Variants in GLP2R observed in about 807,000 individuals in gnomAD.
The protein encoded by GLP2R is glucagon like peptide 2 receptor.
A neutral mutation model predicts 68.2 loss-of-function variants in GLP2R; 59 were observed. That is an observed-to-expected ratio of 0.87 (90% CI 0.70 to 1.07). GLP2R has a LOEUF of 1.07. Ranked by LOEUF, GLP2R falls within the 50% of genes least tolerant of loss-of-function variation. The pLI, the probability that GLP2R is intolerant of heterozygous loss-of-function variation, is 0.00. For missense variants in GLP2R, 548 were observed against 677.4 expected (o/e 0.81, Z 2.12); for synonymous variants, 270 against 265.4 (o/e 1.02, Z -0.17).
intron 4 of GLP2R, among the ~76,000 whole-genome samples, chr17:9,850,912 C>T (rs1343273119): frequency 6.6e-6 from 1 of 152,002 alleles, no homozygotes. Context: ...AGGTTGGTCT[C>T]GAACTCCTGA....
chr17:9,828,855 C>T (rs2066655927), intron 1 of GLP2R, among the ~76,000 whole-genome samples: 2 of 152,172 alleles, frequency 1.3e-5, no homozygotes, highest in Admixed American at 6.5e-5. Context: ...TGTCTGCTGG[C>T]AGTGTCTGCT....
At position 9,891,764 on chromosome 17, in the gene GLP2R, C is replaced by T. The variant is rs982018376; in HGVS notation, c.*2059C>T. 2.0e-5 allele frequency: 3 copies of T among 151,908 alleles called. No individual in the cohort carries two copies. The highest frequency in any genetic ancestry group is 7.2e-5 in the African/African-American group (3 of 41,424). The allele number at this position is 151,908 out of a possible 1,614,324, so 9.4% of individuals were successfully genotyped here. A position where few individuals can be genotyped will look rare whatever the true frequency, so the allele number is the denominator to read the frequency against. On this transcript the variant is annotated 3_prime_UTR_variant, in exon 13 of 13. Coordinates refer to ENST00000262441, the MANE Select transcript of GLP2R (RefSeq NM_004246.3). ...CTCAGTCATGAAAATCTATGTCTTT[C>T]TATTTTTCTCCTTTCTGCAAATGTC...
intron 4 of GLP2R, among the ~76,000 whole-genome samples, chr17:9,848,769 T>C (rs190152153): frequency 1.3e-5 from 2 of 152,204 alleles, no homozygotes; most frequent in South Asian, 2.1e-4. Context: ...AGTAAATCTT[T>C]GCCCTTCAGA....
chr17:9,873,555 A>ATTTTTTTTTTTTTTTTTTTTTTT (rs1359984269), intron 10 of GLP2R, among the ~76,000 whole-genome samples: 1 of 30,022 alleles, frequency 3.3e-5, no homozygotes. Flanking sequence ...CTATGCATGG[A>ATTTTTTTTTTTTTTTTTTTTTTT]CTTTTTTTTT....
chr17:9,876,924 G>T (rs1348244742), intron 10 of GLP2R, among the ~76,000 whole-genome samples: 6 of 152,040 alleles, frequency 3.9e-5, no homozygotes, highest in African/African-American at 1.4e-4. Flanking sequence ...TTTTTCTGAG[G>T]GTTTACCCCA....
chr17:9,865,816 T>G, intron 9 of GLP2R: 1 of 471,156 alleles, frequency 2.1e-6, no homozygotes, highest in Non-Finnish European at 4.4e-6. Context: ...GCTTAACTAT[T>G]GTTGTCTGTG....
chr17:9,854,357 A>G (rs978640913), intron 4 of GLP2R, 138 bp from the exon 5 acceptor site: 7 of 680,364 alleles, frequency 1.0e-5, no homozygotes, highest in African/African-American at 1.8e-5. Flanking sequence ...TTGGGTGTCA[A>G]CAAGGATGGG....
At position 9,850,772 on chromosome 17, in the gene GLP2R, C is replaced by A. The variant is rs544126492; in HGVS notation, c.505-3723C>A. 4.0e-4 allele frequency among the ~76,000 whole-genome samples: 60 copies of A among 149,842 alleles called. 3 individuals are homozygous for A. The South Asian group carries it at 0.012, about 31-fold the overall frequency. On this transcript the variant is annotated intron_variant, in intron 4 of 12. Coordinates refer to ENST00000262441, the MANE Select transcript of GLP2R (RefSeq NM_004246.3). ...GCAATGGTGCAATATTGGCTCACTG[C>A]AACCTCCACCTCCAGGGTTCCAGTG... is the stretch of plus-strand genomic sequence containing the variant.
Position 9,836,465 on chromosome 17 carries a change from G to A in GLP2R, c.372G>A (p.Trp124Ter). 1 of 1,586,898 alleles carries A rather than the reference G, an allele frequency of 6.3e-7. No individual in the cohort carries two copies. Among genetic ancestry groups the A allele is most frequent in the South Asian group, 1.1e-5 (1 of 90,604 alleles). Residue 124 changes from tryptophan (W) to a stop codon, truncating the protein, a stop_gained, in exon 3 of 13, where the codon TGG becomes TGA. Transcript: ENST00000262441. LOFTEE classifies it high-confidence loss of function. ...VSVPCPSYLP[W>*]WSEESSGRAY... ...TACCCTGCCCTTCATACTTACCTTG[G>A]TGGAGTGAAGGTAATAAGTCTTATT... is the stretch of plus-strand genomic sequence containing the variant.
At chr17:9,879,312 A>AAAT (rs1597402850) in intron 10 of GLP2R, among the ~76,000 whole-genome samples, 6 of 77,264 alleles carry the variant, frequency 7.8e-5, no homozygotes, top group South Asian at 7.9e-4. Context: ...AAATAAAATA[A>AAAT]AATAAAATAA....
intron 4 of GLP2R, chr17:9,853,225 G>A (rs73974312): frequency 0.01 from 3,124 of 309,414 alleles, 90 homozygotes; most frequent in African/African-American, 0.063. Context: ...TAAAGGGATC[G>A]TCTTTGTCGG....
chr17:9,880,265 G>A (rs1322176967), intron 10 of GLP2R, 113 bp from the exon 11 acceptor site: 1 of 680,542 alleles, frequency 1.5e-6, no homozygotes, highest in Non-Finnish European at 2.5e-6. Flanking sequence ...GACCATCTGG[G>A]AAACAACTAT....
At chr17:9,862,157 C>T in intron 9 of GLP2R, 67 bp downstream of exon 9, 1 of 1,158,142 alleles carries the variant, frequency 8.6e-7, no homozygotes. Flanking sequence ...CCCCGCCCCA[C>T]CCGACTTCTG....
intron 1 of GLP2R, 144 bp from the exon 2 acceptor site, chr17:9,833,663 A>G: frequency 1.6e-6 from 1 of 606,674 alleles, no homozygotes. Context: ...AAGATAGAAC[A>G]TAAGATGCTG....
At chr17:9,854,669 T>C (rs1257218345) in intron 5 of GLP2R, 68 bp downstream of exon 5, 1 of 913,960 alleles carries the variant, frequency 1.1e-6, no homozygotes, top group Non-Finnish European at 1.8e-6. Context: ...ACAGGGGATA[T>C]GTTCTAAGAG....
intron 3 of GLP2R, among the ~76,000 whole-genome samples, chr17:9,836,812 T>G (rs2066735827): frequency 6.6e-6 from 1 of 151,308 alleles, no homozygotes; most frequent in Non-Finnish European, 1.5e-5. Flanking sequence ...TATTTCAAAA[T>G]GGACGATCAA....
intron 11 of GLP2R, among the ~76,000 whole-genome samples, chr17:9,885,688 T>C (rs548280833): frequency 6.8e-4 from 104 of 152,106 alleles, no homozygotes; most frequent in African/African-American, 2.2e-3. Context: ...CCAGCCCTCT[T>C]AAGTCATAGG....
chr17:9,888,120 C>T, intron 12 of GLP2R, 147 bp downstream of exon 12: 1 of 762,666 alleles, frequency 1.3e-6, no homozygotes, highest in Non-Finnish European at 2.4e-6. Flanking sequence ...TTGTGAGCTT[C>T]CGGTACAGAG....
At chr17:9,869,291 A>C (rs1451488055) in intron 9 of GLP2R, among the ~76,000 whole-genome samples, 3 of 152,188 alleles carry the variant, frequency 2.0e-5, no homozygotes, top group African/African-American at 7.2e-5. Flanking sequence ...AGAAGTACAA[A>C]TCTGATCAGG....
Sources: allele counts gnomAD v4.1 joint callset (sites outside exome capture counted in the v4.1 genomes callset), GRCh38; gene constraint gnomAD v4.1.1; transcripts MANE v1.5; gene names NCBI Gene and HGNC (gene_info 2026-07-23, HGNC 2026-07-21).